The following SDK2 variants were observed in gnomAD, a reference collection of about 807,000 sequenced individuals.
SDK2 encodes the protein protein sidekick-2.
In SDK2, 105 loss-of-function variants were observed where a neutral mutation model predicts 253.9. The ratio of observed to expected loss-of-function variants is 0.41; its 90% confidence interval spans 0.35 to 0.49. The LOEUF is 0.49. Ranked by LOEUF, SDK2 falls within the 20% of genes least tolerant of loss-of-function variation. The pLI, the probability that SDK2 is intolerant of heterozygous loss-of-function variation, is 0.06. For missense variants in SDK2, 2,608 were observed against 3,003.0 expected (o/e 0.87, Z 3.07); for synonymous variants, 1,249 against 1,234.9 (o/e 1.01, Z -0.24).
At chr17:73,442,887 T>TA (rs2063426705) in intron 5 of SDK2, among the ~76,000 whole-genome samples, 3 of 151,536 alleles carry the variant, frequency 2.0e-5, no homozygotes, top group East Asian at 3.9e-4. Context: ...TTCCTTTTTT[T>TA]TATATTTTGA....
At chr17:73,519,868 A>T (rs1252389589) in intron 1 of SDK2, 1 of 152,180 alleles carries the variant, frequency 6.6e-6, no homozygotes, top group African/African-American at 2.4e-5. Flanking sequence ...GAGGAAGAAC[A>T]CACATTCATC....
rs777226549 is a variant in SDK2, at chr17:73,423,967, C to T, written c.1709G>A (p.Arg570Gln). 4.1e-5 allele frequency: 66 copies of T among 1,605,686 alleles called. No homozygotes were observed. The highest frequency in any genetic ancestry group is 1.5e-4 in the Admixed American group (9 of 59,028). ...GTCGTTGCCTCCTGCTGAGATCACC[C>T]GGCAGGTGTACGTGCCGATGTCTCC... ...WSGDIGTYTC[R>Q]VISAGGNDSR... The change falls in exon 13 of 45, where the codon CGG becomes CAG. Residue 570 changes from arginine (R) to glutamine (Q), a missense_variant. Coordinates refer to ENST00000392650, the MANE Select transcript of SDK2 (RefSeq NM_001144952.2).
intron 37 of SDK2, among the ~76,000 whole-genome samples, chr17:73,365,908 C>G (rs537111114): frequency 6.6e-6 from 1 of 152,272 alleles, no homozygotes; most frequent in Non-Finnish European, 1.5e-5. Flanking sequence ...AGAGGCCCCA[C>G]GCAGTCAGGG....
chr17:73,557,147 A>G (rs9896333), intron 1 of SDK2, among the ~76,000 whole-genome samples: 14 of 152,206 alleles, frequency 9.2e-5, no homozygotes, highest in African/African-American at 3.4e-4. Flanking sequence ...CAATGGGAAT[A>G]ATGAGAACTC....
chr17:73,447,594 C>A lies in SDK2; in HGVS notation c.613+21G>T, dbSNP rs1352168874. On this transcript the variant is annotated intron_variant, in intron 5 of 44. Coordinates refer to ENST00000392650, the MANE Select transcript of SDK2 (RefSeq NM_001144952.2). The surrounding 1 kb of genome is among the most constrained non-coding windows in gnomAD (Gnocchi z 4.0). ...TTTAATGGCCCGCTCCAAGATCGGT[C>A]CCGGCCCTGTGCGTACTTACTCTCC... is the stretch of plus-strand genomic sequence containing the variant. The A allele has an allele frequency of 2.6e-6, 4 of 1,551,828 alleles. No homozygotes were observed. Among genetic ancestry groups the A allele is most frequent in the Non-Finnish European group, 3.5e-6 (4 of 1,147,000 alleles).
chr17:73,447,494 C>T lies in SDK2; in HGVS notation c.613+121G>A, dbSNP rs1451097982. Reference sequence around the variant, plus strand: ...CCTCCTTGGGAAGGCTCCCCCCGGCCGTCCCCTAGCTTCCCTGTCCCCCTC... The same window carrying T: ...CCTCCTTGGGAAGGCTCCCCCCGGCTGTCCCCTAGCTTCCCTGTCCCCCTC... On this transcript the variant is annotated intron_variant, in intron 5 of 44. Transcript: ENST00000392650. The surrounding 1 kb of genome is among the most constrained non-coding windows in gnomAD (Gnocchi z 4.0). 32 of 1,406,254 alleles carry T rather than the reference C, an allele frequency of 2.3e-5. No homozygotes were observed. Among genetic ancestry groups the T allele is most frequent in the Admixed American group, 4.1e-5 (2 of 48,282 alleles). 87.1% of individuals were successfully genotyped at this position (1,406,254 alleles called of 1,614,324 possible).
intron 1 of SDK2, among the ~76,000 whole-genome samples, chr17:73,596,772 C>T (rs1465765478): frequency 2.0e-5 from 3 of 152,222 alleles, no homozygotes; most frequent in African/African-American, 7.2e-5. Context: ...CAGCTCTCAT[C>T]CTCCCTCCAT....
intron 44 of SDK2, among the ~76,000 whole-genome samples, chr17:73,347,090 A>G (rs1292892253): frequency 7.2e-5 from 11 of 152,198 alleles, no homozygotes; most frequent in Admixed American, 6.5e-4. Context: ...GGGCCAGCAC[A>G]GTGGTTCACA....
chr17:73,501,359 C>T (rs2063890174), intron 2 of SDK2, among the ~76,000 whole-genome samples: 1 of 152,176 alleles, frequency 6.6e-6, no homozygotes, highest in Admixed American at 6.5e-5. Context: ...CAGCACATGC[C>T]CCAGGAATCA....
rs994141352 is a variant in SDK2 at position 73,612,470 on chromosome 17, G to A, written c.64+31555C>T. On this transcript the variant is annotated intron_variant, in intron 1 of 44. Coordinates refer to ENST00000392650, the MANE Select transcript of SDK2 (RefSeq NM_001144952.2). This position sits in a 1 kb window ranked among gnomAD's most constrained non-coding sequence, Gnocchi z 4.4. ...CTCACTGGGTCCTTGTGGCCCTGCC[G>A]GGGTGAGGGTAGAAGAGGAGGCCAA... Among the ~76,000 whole-genome samples the A allele has an allele frequency of 1.3e-4, 20 of 152,178 alleles. No homozygotes were observed. Among genetic ancestry groups the A allele is most frequent in the African/African-American group, 4.6e-4 (19 of 41,444 alleles).
At position 73,598,837 on chromosome 17, in the gene SDK2, G is replaced by T. The variant is rs1410709545; in HGVS notation, c.64+45188C>A. 3.9e-5 allele frequency among the ~76,000 whole-genome samples: 6 copies of T among 152,330 alleles called. No homozygotes were observed. The East Asian group carries it at 1.2e-3, about 29-fold the overall frequency. On this transcript the variant is annotated intron_variant, in intron 1 of 44. Coordinates refer to ENST00000392650, the MANE Select transcript of SDK2 (RefSeq NM_001144952.2). ...GGGCCTGGCACCTGTGAGCTCGAAGGCCTCGTGTAAGTCACAGCACCTCTC... is the reference window on the plus strand; with the variant it reads ...GGGCCTGGCACCTGTGAGCTCGAAGTCCTCGTGTAAGTCACAGCACCTCTC...
Position 73,471,794 on chromosome 17 carries a change from A to C in SDK2, c.331+318T>G, listed in dbSNP as rs1159604753. On this transcript the variant is annotated intron_variant, in intron 3 of 44. Transcript: ENST00000392650. ...CAAATCAGCTGGTCCCATTTAAAGG[A>C]CACAGACAAGGCCACCCTTGTCTAA... Among the ~76,000 whole-genome samples the C allele has an allele frequency of 4.6e-5, 7 of 152,262 alleles. No homozygotes were observed. The South Asian group carries it at 1.2e-3, about 27-fold the overall frequency.
rs1257211511 is a variant in SDK2 at position 73,472,209 on chromosome 17, G to A, written c.234C>T (p.Ile78=). 1.9e-6 allele frequency: 3 copies of A among 1,551,378 alleles called. No individual in the cohort carries two copies. The highest frequency in any genetic ancestry group is 2.6e-6 in the Non-Finnish European group (3 of 1,146,710). Residue 78 remains isoleucine, a synonymous_variant, in exon 3 of 45, where the codon ATC becomes ATT. Coordinates refer to ENST00000392650, the MANE Select transcript of SDK2 (RefSeq NM_001144952.2). ...CAGCGTGGGTGCGGTCCAGGCTGGT[G>A]ATCATGTATCTATGGGACAGACGAG... ...TKFSLEYRYM[I]TSLDRTHAGF... is the part of the protein sequence containing the mutation.
chr17:73,637,447 C>A (rs1011684736), intron 1 of SDK2, among the ~76,000 whole-genome samples: 1 of 152,170 alleles, frequency 6.6e-6, no homozygotes, highest in Non-Finnish European at 1.5e-5. Context: ...AGCGTGTTCT[C>A]GGCTCACTGC....
Position 73,419,306 on chromosome 17 carries a change from C to G in SDK2, c.2046G>C (p.Arg682Ser), listed in dbSNP as rs768351619. The G allele has an allele frequency of 6.2e-7, 1 of 1,611,170 alleles. No homozygotes were observed. The highest frequency in any genetic ancestry group is 1.1e-5 in the South Asian group (1 of 90,480). ...TGGGGGGCTCCTCGGGGAGGGAGAC[C>G]CTGGATCACAAAACACCAATGCTCT... The part of the protein sequence containing the change: ...GKGQFSKDTE[R>S]VSLPEEPPTA... Residue 682 changes from arginine (R) to serine (S), a missense_variant and splice_region_variant, in exon 16 of 45, where the codon AGG (arginine) becomes AGC (serine). By Grantham distance (110) the Arg-to-Ser change is moderately radical (BLOSUM62 -1). Around this residue, in one of 2 missense-constraint regions of SDK2, gnomAD observed 1,505 missense variants for 1,859.1 expected, o/e 0.81. Transcript: ENST00000392650.
In SDK2 at chr17:73,393,602, T is replaced by C; in HGVS notation, c.3856A>G (p.Ser1286Gly). The stretch of plus-strand genomic sequence containing the variant: ...TCCAGGATGGGAGGGTGGCTGGGGC[T>C]GCCGTCCCCGATGCGTGTGAAGGCC... ...VLAFTRIGDG[S>G]PSHPPILERT... The change falls in exon 27 of 45, where the codon AGC becomes GGC. Residue 1286 changes from serine to glycine, a missense_variant. By Grantham distance (56) the Ser-to-Gly change is moderately conservative (BLOSUM62 0). Coordinates refer to ENST00000392650, the MANE Select transcript of SDK2 (RefSeq NM_001144952.2). The C allele has an allele frequency of 3.2e-6, 5 of 1,581,064 alleles. No homozygotes were observed. The highest frequency in any genetic ancestry group is 4.3e-6 in the Non-Finnish European group (5 of 1,156,652).
At chr17:73,416,574 G>A (rs913586952) in intron 16 of SDK2, among the ~76,000 whole-genome samples, 8 of 151,742 alleles carry the variant, frequency 5.3e-5, no homozygotes, top group African/African-American at 1.7e-4. Context: ...ACAGGTTGGC[G>A]TACACACAGA....
rs1483522814 is a variant in SDK2 at position 73,383,622 on chromosome 17, G to A, written c.4705+254C>T. 1.3e-5 allele frequency among the ~76,000 whole-genome samples: 2 copies of A among 152,194 alleles called. No individual in the cohort carries two copies. Among genetic ancestry groups the A allele is most frequent in the Non-Finnish European group, 2.9e-5 (2 of 68,032 alleles). On this transcript the variant is annotated intron_variant, in intron 33 of 44. Coordinates refer to ENST00000392650, the MANE Select transcript of SDK2 (RefSeq NM_001144952.2). The surrounding 1 kb of genome is among the most constrained non-coding windows in gnomAD (Gnocchi z 4.3). ...GCTCGCCTGGCTCCTCCTCCAGCCT[G>A]CAACTCCAAGAGGGCAGGGACCCTG...
At chr17:73,359,749 G>A (rs1335667765) in intron 39 of SDK2, among the ~76,000 whole-genome samples, 3 of 152,108 alleles carry the variant, frequency 2.0e-5, no homozygotes, top group African/African-American at 2.4e-5. Flanking sequence ...GGGCTCAAAC[G>A]ATTCTCCCAC....
Sources: allele counts gnomAD v4.1 joint callset (sites outside exome capture counted in the v4.1 genomes callset), GRCh38; gene constraint gnomAD v4.1.1; regional missense constraint gnomAD v4.1.1; non-coding constraint Gnocchi (gnomAD v3.1); transcripts MANE v1.5; gene names NCBI Gene and HGNC (gene_info 2026-07-23, HGNC 2026-07-21).